The following CEP128 variants were observed in gnomAD, a reference collection of about 807,000 sequenced individuals.
CEP128 encodes the protein centrosomal protein 128.
A neutral mutation model predicts 156.7 loss-of-function variants in CEP128; 132 were observed. The ratio of observed to expected loss-of-function variants is 0.84; its 90% CI spans 0.73 to 0.97. The LOEUF (loss-of-function observed/expected upper bound fraction) is 0.97, where lower values mean the gene tolerates loss of function less well. Among genes scored for constraint, CEP128 ranks in the 50% least tolerant of loss-of-function variants. The pLI is 0.00. For missense variants in CEP128, 1,252 were observed against 1,281.9 expected (o/e 0.98, Z 0.36); for synonymous variants, 469 against 448.9 (o/e 1.04, Z -0.57).
chr14:80,911,755 T>G (rs1459846630), intron 4 of CEP128, among the ~76,000 whole-genome samples: 1 of 152,210 alleles, frequency 6.6e-6, no homozygotes, highest in Non-Finnish European at 1.5e-5. Flanking sequence ...TAAATGATAC[T>G]TTTTATCATT....
At chr14:80,488,054 C>A (rs1298111785), downstream of CEP128, among the ~76,000 whole-genome samples, 8 of 148,282 alleles carry the variant, frequency 5.4e-5, no homozygotes, top group East Asian at 2.1e-4. Context: ...AATAGAGACA[C>A]AAAAAACCCT....
chr14:80,793,558 A>G (rs1022904475), intron 13 of CEP128, among the ~76,000 whole-genome samples: 1 of 152,216 alleles, frequency 6.6e-6, no homozygotes, highest in Admixed American at 6.5e-5. Context: ...AAAAATAAAA[A>G]TAAGTAACAA....
At chr14:80,636,646 C>A (rs1388740808) in intron 19 of CEP128, among the ~76,000 whole-genome samples, 1 of 152,200 alleles carries the variant, frequency 6.6e-6, no homozygotes, top group Non-Finnish European at 1.5e-5. Flanking sequence ...TTTAAACTCT[C>A]AAATCAAGAT....
intron 21 of CEP128, among the ~76,000 whole-genome samples, chr14:80,540,036 C>T (rs1889671161): frequency 1.3e-5 from 2 of 152,146 alleles, no homozygotes; most frequent in Admixed American, 1.3e-4. Context: ...CAAGACAATA[C>T]ATGCACCGTG....
downstream of CEP128, among the ~76,000 whole-genome samples, chr14:80,487,614 A>T (rs546082533): frequency 1.2e-4 from 18 of 152,326 alleles, no homozygotes; most frequent in African/African-American, 4.3e-4. Flanking sequence ...AAAATTGACC[A>T]CATAGTTGGA....
intron 19 of CEP128, among the ~76,000 whole-genome samples, chr14:80,652,407 A>G (rs1398790533): frequency 6.6e-6 from 1 of 152,156 alleles, no homozygotes; most frequent in Non-Finnish European, 1.5e-5. Context: ...TGAACAGGCA[A>G]CCTACAGAAT....
intron 19 of CEP128, among the ~76,000 whole-genome samples, chr14:80,669,501 G>T (rs772453390): frequency 1.8e-4 from 28 of 152,050 alleles, no homozygotes; most frequent in Non-Finnish European, 3.7e-4. Flanking sequence ...TTAAAAGGGG[G>T]CAATGGACAT....
At chr14:80,556,560 C>G (rs1217036336) in intron 21 of CEP128, among the ~76,000 whole-genome samples, 1 of 152,096 alleles carries the variant, frequency 6.6e-6, no homozygotes, top group East Asian at 1.9e-4. Context: ...TGACTGTGAC[C>G]TAAGCAGATA....
intron 19 of CEP128, among the ~76,000 whole-genome samples, chr14:80,646,942 G>A (rs1485906951): frequency 6.9e-6 from 1 of 145,370 alleles, no homozygotes; most frequent in African/African-American, 2.5e-5. Flanking sequence ...TTTTCAAAGA[G>A]CAATTTTTTA....
At chr14:80,902,653 C>T (rs1883645035) in intron 6 of CEP128, among the ~76,000 whole-genome samples, 1 of 152,056 alleles carries the variant, frequency 6.6e-6, no homozygotes, top group African/African-American at 2.4e-5. Flanking sequence ...AAAAGATTTC[C>T]ACACAACTAA....
intron 19 of CEP128, among the ~76,000 whole-genome samples, chr14:80,613,392 T>G (rs1343511034): frequency 2.2e-5 from 3 of 135,496 alleles, no homozygotes; most frequent in African/African-American, 8.4e-5. Context: ...AAGCTCCACC[T>G]CCTGGGTTCA....
chr14:80,664,569 G>A (rs968429453), intron 19 of CEP128, among the ~76,000 whole-genome samples: 1 of 152,104 alleles, frequency 6.6e-6, no homozygotes, highest in African/African-American at 2.4e-5. Flanking sequence ...GCTCTAAGAG[G>A]TTGACATTAT....
At chr14:80,840,822 G>T in intron 9 of CEP128, 54 bp from the exon 10 acceptor site, 2 of 1,054,022 alleles carry the variant, frequency 1.9e-6, no homozygotes, top group Non-Finnish European at 1.5e-6. Context: ...AAAACTGAAA[G>T]TCACTACTAG....
chr14:80,836,107 C>A (rs928038225), intron 12 of CEP128, 98 bp downstream of exon 12: 4 of 1,121,874 alleles, frequency 3.6e-6, no homozygotes, highest in East Asian at 2.4e-5. Context: ...GTGAGCATCA[C>A]AAAGGAATGC....
At chr14:80,617,262 G>T (rs1160694913) in intron 19 of CEP128, among the ~76,000 whole-genome samples, 2 of 99,266 alleles carry the variant, frequency 2.0e-5, no homozygotes, top group African/African-American at 4.4e-5. Context: ...ACGGAGTGTT[G>T]CTCTGTCACC....
chr14:80,944,822 C>CAAAAA (rs55662141), upstream of CEP128, among the ~76,000 whole-genome samples: 9 of 34,656 alleles, frequency 2.6e-4, no homozygotes, highest in Admixed American at 6.5e-4. Context: ...GAGTCTGTCT[C>CAAAAA]AAAAAAAAAA....
intron 4 of CEP128, among the ~76,000 whole-genome samples, chr14:80,910,241 C>T (rs190853836): frequency 1.9e-4 from 29 of 152,248 alleles, no homozygotes; most frequent in African/African-American, 7.0e-4. Context: ...CTACTGTGCA[C>T]CAGTATAAAT....
chr14:80,858,607 G>A (rs1887335958), intron 9 of CEP128, among the ~76,000 whole-genome samples: 1 of 142,276 alleles, frequency 7.0e-6, no homozygotes, highest in Non-Finnish European at 1.5e-5. Flanking sequence ...GAGTGAACAG[G>A]CAACCTACAA....
At chr14:80,770,906 A>C (rs1283106769) in intron 16 of CEP128, among the ~76,000 whole-genome samples, 1 of 152,186 alleles carries the variant, frequency 6.6e-6, no homozygotes, top group African/African-American at 2.4e-5. Context: ...TGAAGTCAGA[A>C]AATTCTGCCT....
Sources: gnomAD v4.1 joint callset for allele counts (sites outside exome capture counted in the v4.1 genomes callset) on GRCh38, gnomAD v4.1.1 for gene constraint, MANE v1.5 for transcripts, NCBI Gene and HGNC (gene_info 2026-07-23, HGNC 2026-07-21) for gene names.